KIF26B: variants seen among roughly 807,000 people sequenced by gnomAD.
The protein encoded by KIF26B is kinesin-like protein KIF26B.
Under a neutral mutation model 151.2 loss-of-function variants are expected in KIF26B, and 63 were observed. The observed-to-expected ratio is 0.42, with a 90% CI of 0.34 to 0.51. KIF26B has a LOEUF of 0.51. KIF26B is among the 20% of genes least tolerant of loss of function. KIF26B has a pLI of 0.07. For missense variants in KIF26B, 2,813 were observed against 2,913.6 expected (o/e 0.97, Z 0.79); for synonymous variants, 1,357 against 1,262.1 (o/e 1.08, Z -1.59).
chr1:245,259,510 A>G (rs138567631), intron 2 of KIF26B, among the ~76,000 whole-genome samples: 1 of 152,318 alleles, frequency 6.6e-6, no homozygotes, highest in East Asian at 1.9e-4. Flanking sequence ...TGCTGATACT[A>G]AAGAACAGGG....
At chr1:245,502,493 C>A (rs1034624802) in intron 4 of KIF26B, among the ~76,000 whole-genome samples, 1 of 145,798 alleles carries the variant, frequency 6.9e-6, no homozygotes, top group African/African-American at 2.5e-5. Context: ...TGCCACTGCA[C>A]TCCAACCTGG....
intron 4 of KIF26B, among the ~76,000 whole-genome samples, chr1:245,532,514 G>A (rs1049069728): frequency 2.0e-5 from 3 of 151,952 alleles, no homozygotes; most frequent in Admixed American, 6.6e-5. Flanking sequence ...CAAAGTGCTG[G>A]GATTACAGGC....
At chr1:245,638,972 G>T (rs2043860693) in intron 9 of KIF26B, among the ~76,000 whole-genome samples, 1 of 151,584 alleles carries the variant, frequency 6.6e-6, no homozygotes, top group Non-Finnish European at 1.5e-5. Flanking sequence ...TTGGAAATAA[G>T]GTCAGGGTGG....
At chr1:245,400,539 A>C in intron 3 of KIF26B, among the ~76,000 whole-genome samples, 1 of 144,690 alleles carries the variant, frequency 6.9e-6, no homozygotes, top group Non-Finnish European at 1.5e-5. Context: ...GATTCTCTAC[A>C]CCCCTGCTAT....
Position 245,656,744 on chromosome 1 carries a change from C to T in KIF26B, c.2258+10464C>T, listed in dbSNP as rs566919278. On this transcript the variant is annotated intron_variant, in intron 10 of 14. Transcript: ENST00000407071. Reference sequence around the variant, plus strand: ...ATAGAGCTTCAGTCAGAGTGTCCAACCATAAATTCTCACCTGTTTCACAAC... The same window carrying T: ...ATAGAGCTTCAGTCAGAGTGTCCAATCATAAATTCTCACCTGTTTCACAAC... 2.7e-3 allele frequency among the ~76,000 whole-genome samples: 403 copies of T among 151,860 alleles called. 1 individual carries two copies. The highest frequency in any genetic ancestry group is 4.4e-3 in the Admixed American group (67 of 15,266).
At chr1:245,548,759 T>A (rs527867146) in intron 5 of KIF26B, among the ~76,000 whole-genome samples, 102 of 150,584 alleles carry the variant, frequency 6.8e-4, no homozygotes, top group African/African-American at 1.2e-3. Flanking sequence ...TTTTTTTTTT[T>A]AAAAACAGGG....
At chr1:245,369,623 A>G (rs1193404975) in intron 3 of KIF26B, among the ~76,000 whole-genome samples, 1 of 152,230 alleles carries the variant, frequency 6.6e-6, no homozygotes, top group African/African-American at 2.4e-5. Flanking sequence ...AAGGAATATG[A>G]TGCTTAGAGA....
At chr1:245,251,364 T>A (rs1670442097) in intron 2 of KIF26B, among the ~76,000 whole-genome samples, 1 of 152,208 alleles carries the variant, frequency 6.6e-6, no homozygotes, top group African/African-American at 2.4e-5. Context: ...TAATTTTAAC[T>A]TTTCTCTGCA....
At chr1:245,292,066 T>C (rs1171156900) in intron 2 of KIF26B, among the ~76,000 whole-genome samples, 1 of 152,294 alleles carries the variant, frequency 6.6e-6, no homozygotes. Context: ...CTGGGCTGCA[T>C]AGATAATACA....
At chr1:245,699,311 CT>C (rs2044737644) in intron 14 of KIF26B, among the ~76,000 whole-genome samples, 1 of 152,114 alleles carries the variant, frequency 6.6e-6, no homozygotes, top group Non-Finnish European at 1.5e-5. Flanking sequence ...ATTTTTCCCC[CT>C]GCGTGTGGCA....
intron 4 of KIF26B, among the ~76,000 whole-genome samples, chr1:245,494,233 G>T (rs1660465717): frequency 6.6e-6 from 1 of 152,192 alleles, no homozygotes; most frequent in Non-Finnish European, 1.5e-5. Flanking sequence ...TTGAACCTGG[G>T]AGGCGGAGGT....
intron 2 of KIF26B, among the ~76,000 whole-genome samples, chr1:245,196,700 C>A (rs1213681517): frequency 1.3e-5 from 2 of 151,946 alleles, no homozygotes; most frequent in African/African-American, 4.8e-5. Flanking sequence ...AGTGCATCTT[C>A]CTTCACTTTG....
chr1:245,273,432 A>T (rs61371601), intron 2 of KIF26B, among the ~76,000 whole-genome samples: 61 of 86,642 alleles, frequency 7.0e-4, no homozygotes, highest in South Asian at 2.9e-3. Flanking sequence ...AAAAAAAAAA[A>T]AAAAAAAAAC....
At position 245,687,409 on chromosome 1, in the gene KIF26B, G is replaced by A. The variant is rs1161983745; in HGVS notation, c.4426G>A (p.Ala1476Thr). The A allele has an allele frequency of 6.3e-7, 1 of 1,589,166 alleles. No individual in the cohort carries two copies. The highest frequency in any genetic ancestry group is 8.6e-7 in the Non-Finnish European group (1 of 1,168,096). ...ATGPSNAETR[A>T]EQEQDGKPSP... The stretch of plus-strand genomic sequence containing the variant: ...GGGCCCCTCGAATGCTGAGACCAGA[G>A]CAGAGCAGGAGCAGGACGGAAAGCC... The change falls in exon 12 of 15, where the codon GCA becomes ACA. Residue 1476 changes from alanine (A) to threonine (T), a missense_variant. Physicochemically the swap from Ala to Thr is moderately conservative, Grantham distance 58. This residue lies in a region of KIF26B where 2,060 missense variants were observed against 2,088.6 expected (regional missense o/e 0.99). Coordinates refer to ENST00000407071, the MANE Select transcript of KIF26B (RefSeq NM_018012.4). This position sits in a 1 kb window ranked among gnomAD's most constrained non-coding sequence, Gnocchi z 4.9.
intron 6 of KIF26B, among the ~76,000 whole-genome samples, chr1:245,603,630 T>C (rs563764438): frequency 6.6e-6 from 1 of 152,122 alleles, no homozygotes; most frequent in Non-Finnish European, 1.5e-5. Flanking sequence ...TGGTCTCTCT[T>C]CCACATTGTC....
chr1:245,639,439 T>C (rs1481212223), intron 9 of KIF26B, among the ~76,000 whole-genome samples: 1 of 151,812 alleles, frequency 6.6e-6, no homozygotes, highest in East Asian at 1.9e-4. Context: ...TTGGGGTTTT[T>C]TGTATTGTTA....
chr1:245,368,898 G>T (rs1176887834), intron 3 of KIF26B, among the ~76,000 whole-genome samples: 1 of 152,152 alleles, frequency 6.6e-6, no homozygotes, highest in Non-Finnish European at 1.5e-5. Context: ...ACTGTGGGAG[G>T]CCGAGGTGGG....
At chr1:245,278,271 G>A (rs1004455636) in intron 2 of KIF26B, among the ~76,000 whole-genome samples, 1 of 152,086 alleles carries the variant, frequency 6.6e-6, no homozygotes, top group Admixed American at 6.5e-5. Flanking sequence ...TCCTGTTTCA[G>A]TCAGCAGGAC....
Position 245,564,036 on chromosome 1 carries a change from G to T in KIF26B, c.1350+23086G>T, listed in dbSNP as rs147880963. ...ATTTCATTTCGCAGCTAGATTGCTC[G>T]TGAACAGCTAAGCAGGTCACGCTGA... On this transcript the variant is annotated intron_variant, in intron 5 of 14. Transcript: ENST00000407071. The surrounding 1 kb of genome is among the most constrained non-coding windows in gnomAD (Gnocchi z 4.6). Among the ~76,000 whole-genome samples, 2 of 152,120 alleles carry T rather than the reference G, an allele frequency of 1.3e-5. No individual in the cohort carries two copies. Among genetic ancestry groups the T allele is most frequent in the Non-Finnish European group, 2.9e-5 (2 of 68,032 alleles).
Sources: allele counts gnomAD v4.1 joint callset (sites outside exome capture counted in the v4.1 genomes callset), GRCh38; gene constraint gnomAD v4.1.1; regional missense constraint gnomAD v4.1.1; non-coding constraint Gnocchi (gnomAD v3.1); transcripts MANE v1.5; gene names NCBI Gene and HGNC (gene_info 2026-07-23, HGNC 2026-07-21).